Variants in GALNT17 observed in about 807,000 individuals in gnomAD.
GALNT17 encodes UDP-GalNAc:polypeptide N-acetylgalactosaminyltransferase-like 3.
In GALNT17, 29 loss-of-function variants were observed where a neutral mutation model predicts 63.7. The observed-to-expected ratio is 0.46, with a 90% CI of 0.34 to 0.62. The LOEUF (loss-of-function observed/expected upper bound fraction) is 0.62. GALNT17 is among the 20% of genes least tolerant of loss of function. The pLI is 0.01. For missense variants in GALNT17, 603 were observed against 799.6 expected, an observed-to-expected ratio of 0.75 and a Z score of 2.97; for synonymous variants, 305 against 318.3, an observed-to-expected ratio of 0.96 and a Z score of 0.45.
chr7:71,398,413 C>G (rs1793178677), intron 3 of GALNT17, among the ~76,000 whole-genome samples: 1 of 151,992 alleles, frequency 6.6e-6, no homozygotes, highest in Non-Finnish European at 1.5e-5. Context: ...GTTTTACTTC[C>G]AAGTGATCAT....
rs369267285 is a variant in GALNT17 at position 71,201,765 on chromosome 7, G to A, written c.238+68725G>A. ...GCCTCCCTCACCCTTCCGAGTCGCTGGGATTACAGGCACACGCCACCACAC... is the reference window on the plus strand; with the variant it reads ...GCCTCCCTCACCCTTCCGAGTCGCTAGGATTACAGGCACACGCCACCACAC... On this transcript the variant is annotated intron_variant, in intron 1 of 10. Coordinates refer to ENST00000333538, the MANE Select transcript of GALNT17 (RefSeq NM_022479.3). Among the ~76,000 whole-genome samples, 9 of 152,018 alleles carry A rather than the reference G, an allele frequency of 5.9e-5. No individual in the cohort carries two copies. In the East Asian group the frequency reaches 1.2e-3, roughly 20 times the overall value.
chr7:71,199,922 T>C (rs1585876655), intron 1 of GALNT17, among the ~76,000 whole-genome samples: 1 of 152,210 alleles, frequency 6.6e-6, no homozygotes, highest in East Asian at 1.9e-4. Context: ...TCCTCTTTTT[T>C]GTCTTCCTTA....
chr7:71,452,657 T>TA (rs1342684725), intron 5 of GALNT17, among the ~76,000 whole-genome samples: 3 of 152,314 alleles, frequency 2.0e-5, no homozygotes, highest in East Asian at 3.9e-4. Flanking sequence ...GGTATGCATT[T>TA]AAAAAAATCA....
intron 1 of GALNT17, among the ~76,000 whole-genome samples, chr7:71,137,340 C>T (rs547395918): frequency 1.3e-5 from 2 of 151,564 alleles, no homozygotes; most frequent in Non-Finnish European, 2.9e-5. Flanking sequence ...GGGGTTTCAC[C>T]GTGTTCGCCA....
At chr7:71,503,749 C>A (rs1416721246) in intron 5 of GALNT17, among the ~76,000 whole-genome samples, 2 of 152,134 alleles carry the variant, frequency 1.3e-5, no homozygotes, top group East Asian at 3.9e-4. Context: ...ATGTTCCTGC[C>A]TTCCTGGAGC....
chr7:71,195,311 C>T (rs1789027048), intron 1 of GALNT17, among the ~76,000 whole-genome samples: 2 of 152,126 alleles, frequency 1.3e-5, no homozygotes, highest in East Asian at 3.9e-4. Context: ...GACCTCCTGG[C>T]CTCAGGAGAT....
At position 71,670,339 on chromosome 7, in the gene GALNT17, A is replaced by T. The variant is rs944769195; in HGVS notation, c.1404+230A>T. On this transcript the variant is annotated intron_variant, in intron 8 of 10. Transcript: ENST00000333538. Reference sequence around the variant, plus strand: ...ACTATGATAGTCTACTTTGCCTGAGATATGTAGCAGATAATGAATCCTGTT... The same window carrying T: ...ACTATGATAGTCTACTTTGCCTGAGTTATGTAGCAGATAATGAATCCTGTT... Among the ~76,000 whole-genome samples, 3 of 152,124 alleles carry T rather than the reference A, an allele frequency of 2.0e-5. No individual in the cohort carries two copies. In the East Asian group the frequency reaches 5.8e-4, roughly 29 times the overall value.
intron 5 of GALNT17, among the ~76,000 whole-genome samples, chr7:71,486,489 A>T (rs545324218): frequency 5.3e-5 from 8 of 151,896 alleles, no homozygotes; most frequent in African/African-American, 1.9e-4. Context: ...ACCATAGTTC[A>T]TTGCTTCTCA....
intron 1 of GALNT17, among the ~76,000 whole-genome samples, chr7:71,192,875 A>G (rs1788978015): frequency 6.6e-6 from 1 of 151,978 alleles, no homozygotes; most frequent in South Asian, 2.1e-4. Flanking sequence ...GCTTCCTTGA[A>G]TACTTCTTGA....
At chr7:71,350,760 A>G (rs1364879654) in intron 2 of GALNT17, among the ~76,000 whole-genome samples, 2 of 152,290 alleles carry the variant, frequency 1.3e-5, no homozygotes, top group East Asian at 3.9e-4. Flanking sequence ...CTGGGGGACA[A>G]CTGTAGAGAG....
At chr7:71,184,510 T>C (rs536046739) in intron 1 of GALNT17, among the ~76,000 whole-genome samples, 8 of 152,084 alleles carry the variant, frequency 5.3e-5, no homozygotes, top group Non-Finnish European at 1.2e-4. Flanking sequence ...ATCCTCCCCA[T>C]CTTGAGCTCA....
At chr7:71,377,619 C>T (rs1684951011) in intron 2 of GALNT17, among the ~76,000 whole-genome samples, 1 of 152,168 alleles carries the variant, frequency 6.6e-6, no homozygotes, top group South Asian at 2.1e-4. Context: ...CTTGTCCATG[C>T]ACCCACAATG....
At chr7:71,293,009 C>T (rs561472678) in intron 1 of GALNT17, among the ~76,000 whole-genome samples, 1 of 151,868 alleles carries the variant, frequency 6.6e-6, no homozygotes, top group East Asian at 2.0e-4. Flanking sequence ...TCCATGTGGT[C>T]GCAAATGGCA....
At chr7:71,479,711 C>T (rs1460332316) in intron 5 of GALNT17, among the ~76,000 whole-genome samples, 1 of 152,154 alleles carries the variant, frequency 6.6e-6, no homozygotes, top group Non-Finnish European at 1.5e-5. Context: ...CTCCTTCCTC[C>T]TCAGACATAA....
chr7:71,633,103 C>CAAA (rs71089970), intron 6 of GALNT17, among the ~76,000 whole-genome samples: 68 of 72,176 alleles, frequency 9.4e-4, no homozygotes, highest in African/African-American at 1.2e-3. Context: ...GACTCTGTCT[C>CAAA]AAAAAAAAAA....
intron 6 of GALNT17, among the ~76,000 whole-genome samples, chr7:71,656,222 A>G (rs751830934): frequency 3.3e-5 from 5 of 152,108 alleles, no homozygotes; most frequent in Non-Finnish European, 7.4e-5. Context: ...TTGCACGCCC[A>G]CATGCTGGCA....
At position 71,208,691 on chromosome 7, in the gene GALNT17, G is replaced by A. The variant is rs151248528; in HGVS notation, c.238+75651G>A. ...GGTCTTGATCTCCTGGACTCAGGCT[G>A]TCTTCCCATCTTGACCTCCCAAAGT... On this transcript the variant is annotated intron_variant, in intron 1 of 10. Coordinates refer to ENST00000333538, the MANE Select transcript of GALNT17 (RefSeq NM_022479.3). Among the ~76,000 whole-genome samples, 122 of 152,038 alleles carry A rather than the reference G, an allele frequency of 8.0e-4. 1 individual carries two copies. Among genetic ancestry groups the A allele is most frequent in the African/African-American group, 2.7e-3 (113 of 41,504 alleles).
At chr7:71,281,630 C>T (rs1790778631) in intron 1 of GALNT17, among the ~76,000 whole-genome samples, 2 of 152,208 alleles carry the variant, frequency 1.3e-5, no homozygotes, top group Admixed American at 1.3e-4. Flanking sequence ...TGACACCTCT[C>T]ACTTTTTCCT....
intron 1 of GALNT17, among the ~76,000 whole-genome samples, chr7:71,172,875 T>G (rs1788570002): frequency 6.6e-6 from 1 of 152,166 alleles, no homozygotes; most frequent in Non-Finnish European, 1.5e-5. Flanking sequence ...AAATGAGGTG[T>G]TGTTCTGTCC....
Sources: allele counts gnomAD v4.1 joint callset (sites outside exome capture counted in the v4.1 genomes callset), GRCh38; gene constraint gnomAD v4.1.1; transcripts MANE v1.5; gene names NCBI Gene and HGNC (gene_info 2026-07-23, HGNC 2026-07-21).